DLGAP2: variants seen among roughly 807,000 people sequenced by gnomAD.
The protein encoded by DLGAP2 is DLG associated protein 2.
Under a neutral mutation model 100.3 loss-of-function variants are expected in DLGAP2, and 26 were observed. That is an observed-to-expected ratio of 0.26 (90% confidence interval 0.19 to 0.36). The LOEUF is 0.36. Among genes scored for constraint, DLGAP2 ranks in the 10% least tolerant of loss-of-function variants. The pLI, the probability that DLGAP2 is intolerant of heterozygous loss-of-function variation, is 1.00. For missense variants in DLGAP2, 1,858 were observed against 1,453.2 expected (o/e 1.28, Z -4.53); for synonymous variants, 886 against 630.1 (o/e 1.41, Z -6.08).
chr8:1,695,461 C>G (rs1440870751), intron 13 of DLGAP2, among the ~76,000 whole-genome samples: 1 of 141,460 alleles, frequency 7.1e-6, no homozygotes, highest in Non-Finnish European at 1.5e-5. Context: ...GGGGCACAGC[C>G]ATGCCTGGCA....
chr8:1,513,610 T>C (rs535006870), intron 4 of DLGAP2, among the ~76,000 whole-genome samples: 2 of 152,182 alleles, frequency 1.3e-5, no homozygotes, highest in African/African-American at 4.8e-5. Context: ...AACCTAAAAA[T>C]TGAGGTGAGA....
At chr8:1,240,025 A>G (rs1426269610) in intron 2 of DLGAP2, among the ~76,000 whole-genome samples, 1 of 150,562 alleles carries the variant, frequency 6.6e-6, no homozygotes, top group Non-Finnish European at 1.5e-5. Context: ...GTTCTCTCAC[A>G]TGGCGCCGTG....
At chr8:760,610 G>A (rs1821055935) in intron 1 of DLGAP2, among the ~76,000 whole-genome samples, 1 of 152,080 alleles carries the variant, frequency 6.6e-6, no homozygotes, top group South Asian at 2.1e-4. Flanking sequence ...GTTGTTGCTG[G>A]GAAGCCTGAT....
chr8:1,547,898 T>A (rs888369388), intron 4 of DLGAP2, among the ~76,000 whole-genome samples: 1 of 152,206 alleles, frequency 6.6e-6, no homozygotes, highest in African/African-American at 2.4e-5. Context: ...ATTTCACGAT[T>A]AATACCTGTG....
intron 2 of DLGAP2, among the ~76,000 whole-genome samples, chr8:1,223,008 C>A (rs1277727703): frequency 2.6e-5 from 4 of 152,290 alleles, no homozygotes; most frequent in East Asian, 3.9e-4. Flanking sequence ...GCCGTTCCCA[C>A]ACCAAATCTT....
chr8:1,603,175 G>C (rs963196260), intron 6 of DLGAP2, among the ~76,000 whole-genome samples: 3 of 151,576 alleles, frequency 2.0e-5, no homozygotes, highest in Non-Finnish European at 4.4e-5. Flanking sequence ...TACAGAGGCT[G>C]GTTAGAGTGG....
At chr8:751,762 G>T (rs1416346510) in intron 1 of DLGAP2, among the ~76,000 whole-genome samples, 1 of 151,976 alleles carries the variant, frequency 6.6e-6, no homozygotes, top group Non-Finnish European at 1.5e-5. Context: ...ACACTTTATA[G>T]TAAGTCCTTA....
chr8:1,531,295 A>G (rs555715218), intron 4 of DLGAP2, among the ~76,000 whole-genome samples: 6 of 150,532 alleles, frequency 4.0e-5, no homozygotes, highest in African/African-American at 1.5e-4. Flanking sequence ...ACCTGGGACA[A>G]ATTTCATAAG....
chr8:1,233,887 A>C (rs1441870609), intron 2 of DLGAP2, among the ~76,000 whole-genome samples: 1 of 152,178 alleles, frequency 6.6e-6, no homozygotes, highest in African/African-American at 2.4e-5. Flanking sequence ...TGTCACACGG[A>C]TGTATATGGA....
intron 3 of DLGAP2, among the ~76,000 whole-genome samples, chr8:1,425,521 G>A (rs1421321322): frequency 6.6e-6 from 1 of 152,196 alleles, no homozygotes; most frequent in Non-Finnish European, 1.5e-5. Flanking sequence ...GACATGGACA[G>A]CTGAGTGCAT....
At chr8:1,318,850 C>T (rs940828357) in intron 3 of DLGAP2, among the ~76,000 whole-genome samples, 1 of 144,596 alleles carries the variant, frequency 6.9e-6, no homozygotes, top group Non-Finnish European at 1.5e-5. Context: ...AATGGTCTTC[C>T]TAAAAGGCAG....
Position 1,506,483 on chromosome 8 carries a change from G to A in DLGAP2, c.172+5052G>A, listed in dbSNP as rs183492511. On this transcript the variant is annotated intron_variant, in intron 4 of 14. Coordinates refer to ENST00000637795, the MANE Select transcript of DLGAP2 (RefSeq NM_001346810.2). Reference sequence around the variant, plus strand: ...TCTCAATGGCCTCAGGAGTGAAGCTGCAGATCTTCGCGGTGAGTGTTGCAG... The same window carrying A: ...TCTCAATGGCCTCAGGAGTGAAGCTACAGATCTTCGCGGTGAGTGTTGCAG... Among the ~76,000 whole-genome samples the A allele has an allele frequency of 2.6e-5, 4 of 152,310 alleles. No individual in the cohort carries two copies. The East Asian group carries it at 5.8e-4, about 22-fold the overall frequency.
At chr8:1,559,584 C>A (rs1802090541) in intron 5 of DLGAP2, among the ~76,000 whole-genome samples, 1 of 152,150 alleles carries the variant, frequency 6.6e-6, no homozygotes, top group Non-Finnish European at 1.5e-5. Flanking sequence ...ACAAGCTGGT[C>A]TCATTTGTTA....
At chr8:1,164,982 G>C (rs1013075952) in intron 2 of DLGAP2, among the ~76,000 whole-genome samples, 6 of 152,132 alleles carry the variant, frequency 3.9e-5, no homozygotes, top group African/African-American at 1.4e-4. Context: ...CCATTAGAGA[G>C]TCTGGGAGTT....
chr8:1,274,021 C>G (rs1799633995), intron 3 of DLGAP2, among the ~76,000 whole-genome samples: 1 of 152,040 alleles, frequency 6.6e-6, no homozygotes, highest in Non-Finnish European at 1.5e-5. Context: ...AAAGTCTTGT[C>G]AATTTAAATA....
At chr8:1,685,003 T>C (rs948899298) in intron 12 of DLGAP2, among the ~76,000 whole-genome samples, 2 of 152,118 alleles carry the variant, frequency 1.3e-5, no homozygotes, top group Non-Finnish European at 2.9e-5. Context: ...CAAACACTAA[T>C]GCTGGGAGGA....
intron 1 of DLGAP2, among the ~76,000 whole-genome samples, chr8:890,390 C>T (rs887833246): frequency 6.6e-6 from 1 of 152,158 alleles, no homozygotes; most frequent in African/African-American, 2.4e-5. Flanking sequence ...ACTTCCTTGA[C>T]CATGGAACGT....
At chr8:1,325,527 A>G (rs1455065454) in intron 3 of DLGAP2, among the ~76,000 whole-genome samples, 1 of 152,224 alleles carries the variant, frequency 6.6e-6, no homozygotes, top group Non-Finnish European at 1.5e-5. Context: ...TTGTACGCAT[A>G]CATTGCTAGC....
rs188932394 is a variant in DLGAP2 at position 1,013,034 on chromosome 8, C to G, written c.73+105068C>G. 2.0e-5 allele frequency among the ~76,000 whole-genome samples: 3 copies of G among 152,278 alleles called. No homozygotes were observed. In the South Asian group the frequency reaches 6.2e-4, roughly 32 times the overall value. ...TAGGAAGGTGTTTCCCTTCTTCCTG[C>G]AGCTCACAGATGCTGGGGTCTCCAT... On this transcript the variant is annotated intron_variant, in intron 2 of 14. Transcript: ENST00000637795.
Sources: allele counts gnomAD v4.1 joint callset (sites outside exome capture counted in the v4.1 genomes callset), GRCh38; gene constraint gnomAD v4.1.1; transcripts MANE v1.5; gene names NCBI Gene and HGNC (gene_info 2026-07-23, HGNC 2026-07-21).